CYREN: variants seen among roughly 807,000 people sequenced by gnomAD.
The protein encoded by CYREN is cell cycle regulator of non-homologous end joining.
In CYREN, 7 loss-of-function variants were observed where a neutral mutation model predicts 9.7. The observed-to-expected ratio is 0.72, with a 90% CI of 0.41 to 1.36. The LOEUF (loss-of-function observed/expected upper bound fraction) is 1.36, where lower values mean the gene tolerates loss of function less well. CYREN is among the 40% of genes most tolerant of loss of function. The pLI is 0.01. For synonymous variants in CYREN, 76 were observed against 77.9 expected, an observed-to-expected ratio of 0.98 and a Z score of 0.13; for missense variants, 215 against 198.1, an observed-to-expected ratio of 1.09 and a Z score of -0.51.
intron 2 of CYREN, among the ~76,000 whole-genome samples, chr7:135,127,444 T>C (rs958107950): frequency 1.3e-5 from 2 of 151,924 alleles, no homozygotes; most frequent in Admixed American, 1.3e-4. Flanking sequence ...TCCCAGCTAC[T>C]CGGGAGGCTG....
chr7:135,098,408 A>G (rs1823245408), intron 2 of CYREN, among the ~76,000 whole-genome samples: 1 of 152,196 alleles, frequency 6.6e-6, no homozygotes. Context: ...TTGTAAGACT[A>G]TATTGTTTAG....
intron 2 of CYREN, chr7:135,128,550 T>G (rs1422555586): frequency 2.6e-6 from 2 of 767,804 alleles, no homozygotes; most frequent in African/African-American, 1.7e-5. Flanking sequence ...GAAACCAGGA[T>G]CTATTTGGAT....
chr7:135,120,967 G>A (rs1827052321), intron 2 of CYREN, among the ~76,000 whole-genome samples: 1 of 152,206 alleles, frequency 6.6e-6, no homozygotes, highest in African/African-American at 2.4e-5. Flanking sequence ...ACCTTGGGAG[G>A]CCGAGGCAGG....
At chr7:135,126,571 G>A (rs933238856) in intron 2 of CYREN, among the ~76,000 whole-genome samples, 11 of 152,090 alleles carry the variant, frequency 7.2e-5, no homozygotes, top group Non-Finnish European at 1.3e-4. Flanking sequence ...AGAAAACCCC[G>A]AATAGCCAAG....
downstream of CYREN, among the ~76,000 whole-genome samples, chr7:135,162,897 A>G (rs1247753252): frequency 2.0e-5 from 3 of 152,270 alleles, no homozygotes; most frequent in Non-Finnish European, 4.4e-5. Flanking sequence ...TTAAAAGAGT[A>G]TAACAAAGTG....
intron 2 of CYREN, among the ~76,000 whole-genome samples, chr7:135,109,714 G>A (rs1453435123): frequency 6.6e-6 from 1 of 152,226 alleles, no homozygotes; most frequent in Non-Finnish European, 1.5e-5. Context: ...CCAGTGAAGA[G>A]AAATGGGATC....
chr7:135,154,212 TTC>T (rs1585346211), intron 2 of CYREN, among the ~76,000 whole-genome samples: 4 of 152,196 alleles, frequency 2.6e-5, no homozygotes, highest in Admixed American at 2.6e-4. Context: ...TATTTGGATC[TTC>T]TTTCTTCTTG....
chr7:135,096,484 G>C (rs1822738023), intron 2 of CYREN, among the ~76,000 whole-genome samples: 1 of 147,778 alleles, frequency 6.8e-6, no homozygotes, highest in African/African-American at 2.5e-5. Context: ...ATACAACTAG[G>C]AAGATACCCA....
chr7:135,168,039 A>C, intron 2 of CYREN: 3 of 605,062 alleles, frequency 5.0e-6, no homozygotes, highest in Non-Finnish European at 5.6e-6. Context: ...CCCTCCACCA[A>C]CTGCCCTACA....
intron 2 of CYREN, among the ~76,000 whole-genome samples, chr7:135,134,488 A>T (rs895028094): frequency 6.6e-6 from 1 of 152,148 alleles, no homozygotes; most frequent in African/African-American, 2.4e-5. Context: ...GAATAAACAG[A>T]ATAGATTTTT....
intron 2 of CYREN, among the ~76,000 whole-genome samples, chr7:135,132,436 C>T (rs1015240149): frequency 2.6e-5 from 4 of 152,102 alleles, no homozygotes; most frequent in Admixed American, 2.6e-4. Context: ...TTAATTGGCA[C>T]AGAAATTGGT....
intron 2 of CYREN, chr7:135,134,808 G>A: frequency 6.5e-7 from 1 of 1,536,390 alleles, no homozygotes; most frequent in Non-Finnish European, 8.8e-7. Flanking sequence ...GTCCATGATG[G>A]ACAAAAATTC....
chr7:135,163,843 C>A (rs1193395397), downstream of CYREN, among the ~76,000 whole-genome samples: 2 of 152,144 alleles, frequency 1.3e-5, no homozygotes, highest in African/African-American at 4.8e-5. Context: ...GGTCCTTGAC[C>A]CAGGCTCACC....
chr7:135,129,358 ACC>A (rs1828402799), intron 2 of CYREN: 10 of 968,666 alleles, frequency 1.0e-5, no homozygotes, highest in African/African-American at 3.2e-5. Flanking sequence ...CTAAATGAAT[ACC>A]TGCAAGCAGA....
Position 135,168,877 on chromosome 7 carries a change from A to G in CYREN, c.46T>C (p.Trp16Arg). 1 of 1,613,828 alleles carries G rather than the reference A, an allele frequency of 6.2e-7. No homozygotes were observed. The highest frequency in any genetic ancestry group is 8.5e-7 in the Non-Finnish European group (1 of 1,179,842). Residue 16 changes from tryptophan to arginine, a missense_variant, in exon 2 of 4, where the codon TGG (tryptophan) becomes CGG (arginine). Physicochemically the swap from Trp to Arg is moderately radical, Grantham distance 101 (BLOSUM62 -3). Transcript: ENST00000393114. ...SETKTRVLPS[W>R]LTAQVATKNV... The stretch of plus-strand genomic sequence containing the variant: ...TTTGTAGCCACCTGGGCTGTCAGCC[A>G]TGAGGGAAGGACCCTCGTTTTAGTC...
At chr7:135,095,604 C>T (rs1822545144) in intron 2 of CYREN, among the ~76,000 whole-genome samples, 1 of 152,154 alleles carries the variant, frequency 6.6e-6, no homozygotes, top group Non-Finnish European at 1.5e-5. Flanking sequence ...CAAGAAAATA[C>T]AAAAGCCATA....
intron 2 of CYREN, among the ~76,000 whole-genome samples, chr7:135,149,166 T>G (rs1829612592): frequency 6.6e-6 from 1 of 152,218 alleles, no homozygotes; most frequent in Non-Finnish European, 1.5e-5. Flanking sequence ...AAGGCTGTTT[T>G]GAATGCCTGT....
rs1828333466 is a variant in CYREN at position 135,128,915 on chromosome 7, T to C, written n.357-34333A>G. The stretch of plus-strand genomic sequence containing the variant: ...AGCAGATAAAATGCTTTAATAGTAA[T>C]TTGTTCCTGTGCAATATCTGTTTCT... On this transcript the variant is annotated intron_variant and non_coding_transcript_variant, in intron 2 of 2. Transcript: ENST00000459937. 2.0e-6 allele frequency: 3 copies of C among 1,500,752 alleles called. No individual in the cohort carries two copies. The Admixed American group carries it at 5.0e-5, about 25-fold the overall frequency. 93.0% of individuals were successfully genotyped at this position (1,500,752 alleles called of 1,614,324 possible). A position where few individuals can be genotyped will look rare whatever the true frequency, so the allele number is the denominator to read the frequency against.
rs1214589735 is a variant in CYREN, at chr7:135,166,298, G to A, written c.*313C>T. The A allele has an allele frequency of 1.5e-5, 4 of 269,758 alleles. No individual in the cohort carries two copies. Among genetic ancestry groups the A allele is most frequent in the Non-Finnish European group, 2.8e-5 (4 of 143,972 alleles). 16.7% of individuals were successfully genotyped at this position (269,758 alleles called of 1,614,324 possible). On this transcript the variant is annotated 3_prime_UTR_variant, in exon 4 of 4. Coordinates refer to ENST00000393114, the MANE Select transcript of CYREN (RefSeq NM_024033.4). ...CCACCACATGACATCATTTTCCCTG[G>A]AACCTGGTCACTGACTAACACAGAC...
Sources: allele counts gnomAD v4.1 joint callset (sites outside exome capture counted in the v4.1 genomes callset), GRCh38; gene constraint gnomAD v4.1.1; transcripts MANE v1.5; gene names NCBI Gene and HGNC (gene_info 2026-07-23, HGNC 2026-07-21).